The following TCF7L2 variants were observed in gnomAD, a reference collection of about 807,000 sequenced individuals.
TCF7L2 encodes the protein transcription factor 7-like 2.
A neutral mutation model predicts 77.9 loss-of-function variants in TCF7L2; 23 were observed. The ratio of observed to expected loss-of-function variants is 0.30; its 90% confidence interval spans 0.21 to 0.42. The LOEUF is 0.42. Ranked by LOEUF, TCF7L2 falls within the 10% of genes least tolerant of loss-of-function variation. The pLI is 1.00. For missense variants in TCF7L2, 654 were observed against 793.1 expected (o/e 0.82, Z 2.11); for synonymous variants, 413 against 340.2 (o/e 1.21, Z -2.36).
At chr10:112,999,610 G>GA (rs918067943) in intron 4 of TCF7L2, among the ~76,000 whole-genome samples, 5 of 152,148 alleles carry the variant, frequency 3.3e-5, no homozygotes, top group African/African-American at 1.2e-4. Flanking sequence ...TGGTGTGGAT[G>GA]AAAAATGGAA....
intron 5 of TCF7L2, among the ~76,000 whole-genome samples, chr10:113,070,055 A>G (rs1388123405): frequency 6.6e-6 from 1 of 151,996 alleles, no homozygotes; most frequent in Non-Finnish European, 1.5e-5. Flanking sequence ...CAGGAGATCA[A>G]GACCAGCCTG....
chr10:112,972,088 T>G (rs2038401287), intron 4 of TCF7L2, among the ~76,000 whole-genome samples: 2 of 152,118 alleles, frequency 1.3e-5, no homozygotes, highest in Non-Finnish European at 1.5e-5. Flanking sequence ...TTCAACCTAT[T>G]GAAGTTTGAG....
At chr10:113,074,538 T>C (rs1276848998) in intron 5 of TCF7L2, among the ~76,000 whole-genome samples, 1 of 152,210 alleles carries the variant, frequency 6.6e-6, no homozygotes, top group Non-Finnish European at 1.5e-5. Flanking sequence ...GTTGTCGGAC[T>C]GTGCGGGACC....
At chr10:113,004,600 T>C (rs1004756275) in intron 4 of TCF7L2, among the ~76,000 whole-genome samples, 2 of 152,248 alleles carry the variant, frequency 1.3e-5, no homozygotes, top group Non-Finnish European at 2.9e-5. Context: ...TGACTCAATC[T>C]TAAACGTCTT....
At chr10:113,073,859 T>C (rs1216432570) in intron 5 of TCF7L2, among the ~76,000 whole-genome samples, 1 of 152,222 alleles carries the variant, frequency 6.6e-6, no homozygotes, top group Non-Finnish European at 1.5e-5. Context: ...CCTGGACGAC[T>C]CCATGTGCGA....
intron 5 of TCF7L2, among the ~76,000 whole-genome samples, chr10:113,130,578 G>T (rs1015780123): frequency 6.6e-6 from 1 of 152,110 alleles, no homozygotes; most frequent in African/African-American, 2.4e-5. Context: ...CTATGGTCTT[G>T]CTTGTGGTGT....
intron 4 of TCF7L2, among the ~76,000 whole-genome samples, chr10:113,037,124 C>T (rs2051431153): frequency 6.6e-6 from 1 of 152,142 alleles, no homozygotes; most frequent in African/African-American, 2.4e-5. Flanking sequence ...TATTAATAAG[C>T]ACCAATTGTA....
In TCF7L2 at chr10:113,151,249, C is replaced by T. The variant is rs2137131970; in HGVS notation, c.1001+126C>T. ...TGGTTTGACTGCAGCCAATACCCAG[C>T]CTGTGTGGGCTCTTCACTCCCTTAC... On this transcript the variant is annotated intron_variant, in intron 9 of 13. Coordinates refer to ENST00000627217, the MANE Select transcript of TCF7L2 (RefSeq NM_001146274.2). This position sits in a 1 kb window ranked among gnomAD's most constrained non-coding sequence, Gnocchi z 5.2. 9 of 1,255,692 alleles carry T rather than the reference C, an allele frequency of 7.2e-6. No individual in the cohort carries two copies. In the South Asian group the frequency reaches 1.1e-4, roughly 15 times the overall value. 77.8% of individuals were successfully genotyped at this position (1,255,692 alleles called of 1,614,324 possible).
intron 4 of TCF7L2, among the ~76,000 whole-genome samples, chr10:113,018,469 T>TA (rs1554944166): frequency 2.0e-5 from 3 of 147,200 alleles, no homozygotes; most frequent in Admixed American, 1.4e-4. Context: ...TTTTTTTTTT[T>TA]AAAGACAGAG....
intron 4 of TCF7L2, among the ~76,000 whole-genome samples, chr10:112,992,749 C>T (rs1156736406): frequency 2.0e-5 from 3 of 151,718 alleles, no homozygotes; most frequent in South Asian, 2.1e-4. Context: ...TGCAGTGTTA[C>T]TCTCTTATAT....
chr10:113,003,800 C>T (rs192968704), intron 4 of TCF7L2, among the ~76,000 whole-genome samples: 89 of 152,292 alleles, frequency 5.8e-4, no homozygotes, highest in African/African-American at 1.9e-3. Context: ...CTGTTCTGTT[C>T]GGCTGAAAAT....
At chr10:113,101,374 C>G (rs1428416848) in intron 5 of TCF7L2, among the ~76,000 whole-genome samples, 1 of 151,942 alleles carries the variant, frequency 6.6e-6, no homozygotes, top group African/African-American at 2.4e-5. Context: ...AAGACCCCAT[C>G]TCTACAAAAA....
Position 112,950,740 on chromosome 10 carries a change from T to C in TCF7L2, c.-17T>C. ...TTCATTTTTCTTCCAAAATTGCTGC[T>C]GGTGGGTGAAAAAAAAATGCCGCAG... On this transcript the variant is annotated 5_prime_UTR_variant, in exon 1 of 14. Coordinates refer to ENST00000627217, the MANE Select transcript of TCF7L2 (RefSeq NM_001146274.2). 6.5e-7 allele frequency: 1 copy of C among 1,547,576 alleles called. No homozygotes were observed. The highest frequency in any genetic ancestry group is 8.7e-7 in the Non-Finnish European group (1 of 1,147,268).
chr10:112,951,323 C>A (rs1269435524), intron 2 of TCF7L2, 50 bp downstream of exon 2: 1 of 989,540 alleles, frequency 1.0e-6, no homozygotes, highest in South Asian at 4.6e-5. Context: ...CCCCCCGGGC[C>A]GGCCGCCCCG....
intron 5 of TCF7L2, among the ~76,000 whole-genome samples, chr10:113,121,587 G>A (rs1477449324): frequency 1.3e-5 from 2 of 152,154 alleles, no homozygotes; most frequent in African/African-American, 2.4e-5. Context: ...GTGAATGGGA[G>A]GAGGGAAAAC....
At chr10:113,108,303 T>C (rs1237064976) in intron 5 of TCF7L2, among the ~76,000 whole-genome samples, 1 of 152,150 alleles carries the variant, frequency 6.6e-6, no homozygotes, top group African/African-American at 2.4e-5. Context: ...AAGTGGGGAA[T>C]CGCTTTTGTC....
chr10:113,054,432 A>G (rs972180063), intron 5 of TCF7L2, among the ~76,000 whole-genome samples: 2 of 152,192 alleles, frequency 1.3e-5, no homozygotes, highest in Non-Finnish European at 1.5e-5. Context: ...TAGGGTGTCT[A>G]TCTCAAAGTT....
intron 5 of TCF7L2, among the ~76,000 whole-genome samples, chr10:113,140,567 A>G (rs564729821): frequency 9.2e-5 from 14 of 152,310 alleles, no homozygotes; most frequent in African/African-American, 2.9e-4. Context: ...CTTGTCAGGC[A>G]GTTTAGAGCT....
At chr10:113,130,284 C>A (rs542700475) in intron 5 of TCF7L2, among the ~76,000 whole-genome samples, 1 of 152,020 alleles carries the variant, frequency 6.6e-6, no homozygotes, top group Non-Finnish European at 1.5e-5. Flanking sequence ...TCCCAAAGTA[C>A]GGGTGAGCTG....
Sources: gnomAD v4.1 joint callset for allele counts (sites outside exome capture counted in the v4.1 genomes callset) on GRCh38, gnomAD v4.1.1 for gene constraint, Gnocchi (gnomAD v3.1) non-coding constraint, MANE v1.5 for transcripts, NCBI Gene and HGNC (gene_info 2026-07-23, HGNC 2026-07-21) for gene names.